Variants in FHAD1 observed in about 807,000 individuals in gnomAD.
FHAD1 encodes forkhead-associated domain-containing protein 1.
Under a neutral mutation model 191.3 loss-of-function variants are expected in FHAD1, and 146 were observed. The ratio of observed to expected loss-of-function variants is 0.76; its 90% CI spans 0.67 to 0.88. The LOEUF (loss-of-function observed/expected upper bound fraction) is 0.88. Ranked by LOEUF, FHAD1 falls within the 40% of genes least tolerant of loss-of-function variation. FHAD1 has a pLI of 0.00. For missense variants in FHAD1, 1,635 were observed against 1,785.8 expected (o/e 0.92, Z 1.52); for synonymous variants, 616 against 672.3 (o/e 0.92, Z 1.29).
intron 31 of FHAD1, among the ~76,000 whole-genome samples, chr1:15,386,182 T>C (rs771395159): frequency 9.2e-5 from 14 of 152,072 alleles, no homozygotes; most frequent in Non-Finnish European, 1.5e-4. Context: ...CGTGGGGTGG[T>C]TAAATGGTGT....
chr1:15,374,494 G>A lies in FHAD1; in HGVS notation c.3448-8G>A. Reference sequence around the variant, plus strand: ...GATCAAATGCTGCCCGCCCCATTCTGCCCACAGCAGCAATCCTTCAGCGAT... The same window carrying A: ...GATCAAATGCTGCCCGCCCCATTCTACCCACAGCAGCAATCCTTCAGCGAT... On this transcript the variant is annotated splice_polypyrimidine_tract_variant and splice_region_variant and intron_variant, in intron 26 of 33. Coordinates refer to ENST00000688493, the MANE Select transcript of FHAD1 (RefSeq NM_001391957.1). 1 of 1,551,682 alleles carries A rather than the reference G, an allele frequency of 6.4e-7. No homozygotes were observed. Among genetic ancestry groups the A allele is most frequent in the Non-Finnish European group, 8.7e-7 (1 of 1,146,980 alleles).
chr1:15,333,395 T>G (rs962988858), intron 14 of FHAD1, among the ~76,000 whole-genome samples: 3 of 152,038 alleles, frequency 2.0e-5, no homozygotes, highest in Non-Finnish European at 4.4e-5. Context: ...TGATGGTGAT[T>G]ATGGTGACGA....
In FHAD1 at chr1:15,285,565, CT is replaced by C. The variant is rs548103460; in HGVS notation, c.301-3823del. Among the ~76,000 whole-genome samples the C allele has an allele frequency of 1.4e-3, 209 of 147,738 alleles. No homozygotes were observed. In the Middle Eastern group the frequency reaches 0.014, roughly 10 times the overall value. On this transcript the variant is annotated intron_variant, in intron 3 of 33. Coordinates refer to ENST00000688493, the MANE Select transcript of FHAD1 (RefSeq NM_001391957.1). ...TAAATAAATAAATAACAAAATAAAACTTTTTTTTTTTAACTGAAAGAGCTGA... is the reference window on the plus strand; with the variant it reads ...TAAATAAATAAATAACAAAATAAAACTTTTTTTTTTAACTGAAAGAGCTGA...
chr1:15,292,940 A>AATTAAAC, intron 4 of FHAD1, among the ~76,000 whole-genome samples: 1 of 152,340 alleles, frequency 6.6e-6, no homozygotes, highest in South Asian at 2.1e-4. Context: ...TAAAAGAAAG[A>AATTAAAC]ATTAAACATT....
At chr1:15,371,350 G>C (rs1294117904) in intron 26 of FHAD1, among the ~76,000 whole-genome samples, 3 of 152,224 alleles carry the variant, frequency 2.0e-5, no homozygotes, top group Non-Finnish European at 4.4e-5. Flanking sequence ...GGAAGGATTA[G>C]TGGAGGAGGA....
intron 3 of FHAD1, among the ~76,000 whole-genome samples, chr1:15,280,765 C>T (rs538700103): frequency 6.6e-6 from 1 of 152,192 alleles, no homozygotes; most frequent in Non-Finnish European, 1.5e-5. Context: ...TTGCAAACAT[C>T]TAAGTGTTTT....
chr1:15,356,925 A>G (rs1273448596), intron 20 of FHAD1, among the ~76,000 whole-genome samples: 1 of 151,962 alleles, frequency 6.6e-6, no homozygotes, highest in African/African-American at 2.4e-5. Flanking sequence ...TCTCAATGTC[A>G]TCGAACAATC....
intron 5 of FHAD1, among the ~76,000 whole-genome samples, chr1:15,298,905 C>T (rs997851597): frequency 2.4e-4 from 36 of 151,912 alleles, no homozygotes; most frequent in African/African-American, 1.4e-4. Flanking sequence ...CTCAGTGGCT[C>T]GCGCCTGTAA....
intron 1 of FHAD1, among the ~76,000 whole-genome samples, chr1:15,248,057 T>A (rs1191620038): frequency 1.3e-5 from 2 of 152,000 alleles, no homozygotes; most frequent in Non-Finnish European, 2.9e-5. Flanking sequence ...TAGACTTTTT[T>A]TTTTTTTTCC....
At chr1:15,356,349 C>T (rs1408178611) in intron 20 of FHAD1, among the ~76,000 whole-genome samples, 6 of 152,160 alleles carry the variant, frequency 3.9e-5, no homozygotes, top group Admixed American at 6.5e-5. Context: ...TCAGCACATG[C>T]GGTTATAGCC....
In FHAD1 at chr1:15,259,706, C is replaced by T. The variant is rs377164546; in HGVS notation, c.93+7829C>T. Among the ~76,000 whole-genome samples, 161 of 152,206 alleles carry T rather than the reference C, an allele frequency of 1.1e-3. 4 individuals carry two copies. In the South Asian group the frequency reaches 0.033, roughly 31 times the overall value. Reference sequence around the variant, plus strand: ...TGGGATTGGGGTAAAGAGGAAATGTCGACCCAGGCTGCAGGTGTTTTCCTG... The same window carrying T: ...TGGGATTGGGGTAAAGAGGAAATGTTGACCCAGGCTGCAGGTGTTTTCCTG... On this transcript the variant is annotated intron_variant, in intron 2 of 33. Coordinates refer to ENST00000688493, the MANE Select transcript of FHAD1 (RefSeq NM_001391957.1).
At chr1:15,328,039 AAAAAAAAAG>A (rs1679533860) in intron 12 of FHAD1, 6 of 244,124 alleles carry the variant, frequency 2.5e-5, no homozygotes, top group Middle Eastern at 1.2e-3. Flanking sequence ...GTCGCAAAAA[AAAAAAAAAG>A]AAAAGAAAAA....
At chr1:15,307,740 T>C (rs1294624559) in intron 6 of FHAD1, among the ~76,000 whole-genome samples, 1 of 152,072 alleles carries the variant, frequency 6.6e-6, no homozygotes, top group Non-Finnish European at 1.5e-5. Context: ...TTCTCTTTTT[T>C]TTTTTTTGGA....
intron 28 of FHAD1, among the ~76,000 whole-genome samples, chr1:15,378,267 A>C (rs1382036268): frequency 6.6e-6 from 1 of 152,256 alleles, no homozygotes; most frequent in African/African-American, 2.4e-5. Flanking sequence ...CCTGGGCGAA[A>C]GAGTGAAACT....
chr1:15,374,890 G>A (rs1263266926), intron 27 of FHAD1, among the ~76,000 whole-genome samples: 4 of 137,402 alleles, frequency 2.9e-5, no homozygotes, highest in Admixed American at 7.8e-5. Context: ...ACAGAGTCTC[G>A]CTCTGTCACC....
At chr1:15,253,746 T>G (rs559320981) in intron 2 of FHAD1, among the ~76,000 whole-genome samples, 1 of 152,358 alleles carries the variant, frequency 6.6e-6, no homozygotes, top group Non-Finnish European at 1.5e-5. Flanking sequence ...ATCTGCAAAT[T>G]AAAAGTTTAT....
chr1:15,313,019 A>G, intron 7 of FHAD1, 38 bp from the exon 8 acceptor site: 1 of 1,549,222 alleles, frequency 6.5e-7, no homozygotes, highest in Non-Finnish European at 8.7e-7. Context: ...AGTCATCCTC[A>G]CTGCCTCTTT....
chr1:15,345,564 T>C, intron 18 of FHAD1, 41 bp downstream of exon 18: 2 of 1,467,758 alleles, frequency 1.4e-6, no homozygotes, highest in Non-Finnish European at 1.9e-6. Context: ...CCCAGTCGGC[T>C]TGAGGGCCAT....
chr1:15,317,600 T>G (rs1340013317), intron 9 of FHAD1, among the ~76,000 whole-genome samples: 2 of 152,232 alleles, frequency 1.3e-5, no homozygotes, highest in African/African-American at 4.8e-5. Flanking sequence ...AGAAACTAAT[T>G]TCCTTTATCC....
Sources: allele counts gnomAD v4.1 joint callset (sites outside exome capture counted in the v4.1 genomes callset), GRCh38; gene constraint gnomAD v4.1.1; transcripts MANE v1.5; gene names NCBI Gene and HGNC (gene_info 2026-07-23, HGNC 2026-07-21).